Variants in RAD51B observed in about 807,000 individuals in gnomAD.
The protein encoded by RAD51B is RAD51 paralog B.
In RAD51B, 38 loss-of-function variants were observed where a neutral mutation model predicts 42.2. That is an observed-to-expected ratio of 0.90 (90% CI 0.70 to 1.18). The LOEUF is 1.18. RAD51B is among the 50% of genes most tolerant of loss of function. The pLI is 0.00. For synonymous variants in RAD51B, 154 were observed against 145.2 expected (o/e 1.06, Z -0.43); for missense variants, 373 against 400.7 (o/e 0.93, Z 0.59).
At position 67,966,456 on chromosome 14, in the gene RAD51B, A is replaced by C. The variant is rs567789114; in HGVS notation, c.756+79252A>C. Among the ~76,000 whole-genome samples the C allele has an allele frequency of 1.3e-4, 20 of 152,318 alleles. No homozygotes were observed. The South Asian group carries it at 3.9e-3, about 30-fold the overall frequency. ...TTCTTTTAAAAAATTAGTTCTTACT[A>C]TATAAGTATTGTATTAACATAGTAT... On this transcript the variant is annotated intron_variant, in intron 7 of 10. Coordinates refer to ENST00000471583, the MANE Select transcript of RAD51B (RefSeq NM_133510.4).
At chr14:67,895,402 T>C (rs2043379886) in intron 7 of RAD51B, among the ~76,000 whole-genome samples, 1 of 152,214 alleles carries the variant, frequency 6.6e-6, no homozygotes, top group South Asian at 2.1e-4. Flanking sequence ...ACTTGCCGCT[T>C]CCATCCTGGG....
intron 4 of RAD51B, among the ~76,000 whole-genome samples, chr14:67,854,423 C>T (rs1009553505): frequency 6.6e-6 from 1 of 151,890 alleles, no homozygotes; most frequent in African/African-American, 2.4e-5. Context: ...CACTTGAGGC[C>T]AGGAGTTTGA....
chr14:68,272,898 A>G (rs940496170), intron 7 of RAD51B, among the ~76,000 whole-genome samples: 2 of 150,394 alleles, frequency 1.3e-5, no homozygotes, highest in African/African-American at 2.4e-5. Flanking sequence ...GTTAGCCAGG[A>G]TGGTCTCGAT....
intron 10 of RAD51B, among the ~76,000 whole-genome samples, chr14:68,629,188 A>C (rs1892167393): frequency 6.6e-6 from 1 of 152,180 alleles, no homozygotes; most frequent in South Asian, 2.1e-4. Context: ...TTGTTCAAAC[A>C]AAAGTAAGCC....
chr14:68,198,562 A>G (rs1711956699), intron 7 of RAD51B, among the ~76,000 whole-genome samples: 1 of 152,190 alleles, frequency 6.6e-6, no homozygotes, highest in Non-Finnish European at 1.5e-5. Flanking sequence ...ATTTTCCATG[A>G]CCATGATCAT....
intron 7 of RAD51B, among the ~76,000 whole-genome samples, chr14:68,099,766 G>A (rs1425771568): frequency 6.6e-6 from 1 of 152,160 alleles, no homozygotes; most frequent in Non-Finnish European, 1.5e-5. Flanking sequence ...TGATAGGAGG[G>A]AACTTAATGC....
intron 4 of RAD51B, among the ~76,000 whole-genome samples, chr14:67,839,404 G>C (rs2041352706): frequency 6.6e-6 from 1 of 151,950 alleles, no homozygotes; most frequent in Non-Finnish European, 1.5e-5. Flanking sequence ...ATTAGTTACA[G>C]TGAATGAGAT....
chr14:68,472,784 A>G lies in RAD51B; in HGVS notation c.1036+4534A>G, dbSNP rs117567606. On this transcript the variant is annotated intron_variant, in intron 10 of 10. Coordinates refer to ENST00000471583, the MANE Select transcript of RAD51B (RefSeq NM_133510.4). The stretch of plus-strand genomic sequence containing the variant: ...GCTGGAGATGAAATTAGTTTCCCAT[A>G]TCTCCAACCACTTGGCATAGGGTGG... Among the ~76,000 whole-genome samples the G allele has an allele frequency of 1.6e-4, 25 of 152,326 alleles. No individual in the cohort carries two copies. The East Asian group carries it at 4.1e-3, about 25-fold the overall frequency.
In RAD51B at chr14:68,455,976, A is replaced by G. The variant is rs182534072; in HGVS notation, c.958-12196A>G. 1.6e-3 allele frequency among the ~76,000 whole-genome samples: 247 copies of G among 152,322 alleles called. 1 individual carries two copies. Among genetic ancestry groups the G allele is most frequent in the Non-Finnish European group, 3.1e-3 (209 of 68,020 alleles). On this transcript the variant is annotated intron_variant, in intron 9 of 10. Transcript: ENST00000471583. Reference sequence around the variant, plus strand: ...ATATTGATGCACATTTTTTGCAAACAATTGAAATTAAGGTGGTATCAATCT... The same window carrying G: ...ATATTGATGCACATTTTTTGCAAACGATTGAAATTAAGGTGGTATCAATCT...
chr14:68,493,484 C>T (rs948450511), intron 10 of RAD51B, among the ~76,000 whole-genome samples: 2 of 152,126 alleles, frequency 1.3e-5, no homozygotes, highest in African/African-American at 2.4e-5. Context: ...AAAGAAGAGC[C>T]CCAATCATGT....
intron 7 of RAD51B, among the ~76,000 whole-genome samples, chr14:68,032,441 C>T (rs1205757651): frequency 6.6e-6 from 1 of 152,024 alleles, no homozygotes; most frequent in Non-Finnish European, 1.5e-5. Context: ...ATTTCTTTTC[C>T]ACCCCTTTCT....
At chr14:67,919,011 T>A (rs774477497) in intron 7 of RAD51B, among the ~76,000 whole-genome samples, 1 of 152,074 alleles carries the variant, frequency 6.6e-6, no homozygotes, top group Non-Finnish European at 1.5e-5. Context: ...TGAACAAAAG[T>A]CCAGGATGAC....
At chr14:68,319,934 A>G (rs2082127848) in intron 8 of RAD51B, among the ~76,000 whole-genome samples, 1 of 152,152 alleles carries the variant, frequency 6.6e-6, no homozygotes, top group African/African-American at 2.4e-5. Flanking sequence ...TGTTATCTCC[A>G]TTTTACAGAT....
chr14:67,900,857 T>C lies in RAD51B; in HGVS notation c.756+13653T>C, dbSNP rs551284876. ...GAATTTACTTTTTTGTTCTGTATGA[T>C]CTTTAGCTTAGTTTACTGGGTTGCC... On this transcript the variant is annotated intron_variant, in intron 7 of 10. Transcript: ENST00000471583. Among the ~76,000 whole-genome samples the C allele has an allele frequency of 9.2e-5, 14 of 152,286 alleles. No individual in the cohort carries two copies. In the East Asian group the frequency reaches 2.7e-3, roughly 29 times the overall value.
chr14:67,903,328 A>G (rs1164532331), intron 7 of RAD51B, among the ~76,000 whole-genome samples: 2 of 152,150 alleles, frequency 1.3e-5, no homozygotes, highest in Non-Finnish European at 2.9e-5. Flanking sequence ...TCAGAATCTT[A>G]CCGCTTCTAG....
intron 4 of RAD51B, among the ~76,000 whole-genome samples, chr14:67,835,562 T>C (rs1325390501): frequency 7.3e-6 from 1 of 137,868 alleles, no homozygotes; most frequent in African/African-American, 2.6e-5. Context: ...ATATATGTAA[T>C]ATATACACAT....
chr14:68,213,689 A>G (rs2079757244), intron 7 of RAD51B, among the ~76,000 whole-genome samples: 1 of 152,214 alleles, frequency 6.6e-6, no homozygotes, highest in Non-Finnish European at 1.5e-5. Context: ...TGGTGGCAGT[A>G]GTTCTTCTCT....
chr14:68,480,761 T>C (rs999520391), downstream of RAD51B, among the ~76,000 whole-genome samples: 1 of 152,236 alleles, frequency 6.6e-6, no homozygotes, highest in Admixed American at 6.5e-5. Flanking sequence ...CTGCTGTCTC[T>C]TTCCTTGTTT....
intron 7 of RAD51B, among the ~76,000 whole-genome samples, chr14:68,204,461 A>G (rs1053583693): frequency 6.6e-6 from 1 of 152,236 alleles, no homozygotes; most frequent in Admixed American, 6.5e-5. Context: ...CACCATAATA[A>G]CATAATCATA....
Sources: gnomAD v4.1 joint callset for allele counts (sites outside exome capture counted in the v4.1 genomes callset) on GRCh38, gnomAD v4.1.1 for gene constraint, MANE v1.5 for transcripts, NCBI Gene and HGNC (gene_info 2026-07-23, HGNC 2026-07-21) for gene names.